The following TRIM64B variants were observed in gnomAD, a reference collection of about 807,000 sequenced individuals.
TRIM64B encodes the protein tripartite motif containing 64B, also known as tripartite motif-containing protein 64B.
For synonymous variants in TRIM64B, 17 were observed against 190.3 expected (o/e 0.09, Z 7.50); for missense variants, 57 against 536.4 (o/e 0.11, Z 8.83).
At chr11:89,871,697 G>T (rs556516796) in intron 5 of TRIM64B, among the ~76,000 whole-genome samples, 1,267 of 110,784 alleles carry the variant, frequency 0.011, 17 homozygotes, top group African/African-American at 0.04. Flanking sequence ...CGTGTTCACA[G>T]ATCCCTCACC....
upstream of TRIM64B, among the ~76,000 whole-genome samples, chr11:89,876,332 C>CT (rs1950163298): frequency 6.9e-6 from 1 of 145,730 alleles, no homozygotes; most frequent in African/African-American, 2.5e-5. Context: ...CTCCTGAATA[C>CT]TTTATGTCTA....
At chr11:89,871,645 T>C (rs1161806849) in intron 5 of TRIM64B, among the ~76,000 whole-genome samples, 74 of 132,118 alleles carry the variant, frequency 5.6e-4, no homozygotes, top group Middle Eastern at 3.5e-3. Context: ...TGCCCTCTGC[T>C]ACCCAGACCT....
rs867411150 is a variant in TRIM64B at position 89,875,380 on chromosome 11, C to T, written c.408+230G>A. Among the ~76,000 whole-genome samples, 89 of 152,322 alleles carry T rather than the reference C, an allele frequency of 5.8e-4. No homozygotes were observed. The South Asian group carries it at 0.012, about 20-fold the overall frequency. On this transcript the variant is annotated intron_variant, in intron 1 of 5. Transcript: ENST00000329862. ...ACCAGCTCCACAGCTCCATTCTACACGTTTGAACAATGTTTCTAAGGAGAC... is the reference window on the plus strand; with the variant it reads ...ACCAGCTCCACAGCTCCATTCTACATGTTTGAACAATGTTTCTAAGGAGAC...
exon 2 of TRIM64B, chr11:89,875,022 T>C (rs776697425): frequency 3.9e-6 from 6 of 1,550,478 alleles, no homozygotes; most frequent in Non-Finnish European, 3.5e-6. Context: ...AGATTGTTTC[T>C]TGTCTCTTGA....
upstream of TRIM64B, among the ~76,000 whole-genome samples, chr11:89,877,130 A>G (rs551318969): frequency 2.4e-5 from 3 of 123,668 alleles, no homozygotes; most frequent in Admixed American, 2.7e-4. Flanking sequence ...AAACTCACCT[A>G]TGAAGTTTGC....
At chr11:89,877,018 T>C (rs1384446401), upstream of TRIM64B, among the ~76,000 whole-genome samples, 1 of 144,782 alleles carries the variant, frequency 6.9e-6, no homozygotes, top group Non-Finnish European at 1.5e-5. Context: ...ACATTCTGAA[T>C]GTCATCCTGT....
chr11:89,878,180 C>T (rs1185748526), upstream of TRIM64B, among the ~76,000 whole-genome samples: 17 of 130,848 alleles, frequency 1.3e-4, no homozygotes, highest in Non-Finnish European at 2.4e-4. Context: ...AGAAAACAGT[C>T]GCATAGTCAA....
At chr11:89,877,016 A>C (rs1382969331), upstream of TRIM64B, among the ~76,000 whole-genome samples, 1 of 144,436 alleles carries the variant, frequency 6.9e-6, no homozygotes, top group Non-Finnish European at 1.5e-5. Context: ...GCACATTCTG[A>C]ATGTCATCCT....
chr11:89,875,405 C>G (rs1227556227), intron 1 of TRIM64B, among the ~76,000 whole-genome samples: 2 of 152,306 alleles, frequency 1.3e-5, no homozygotes, highest in Non-Finnish European at 2.9e-5. Context: ...TCTAAGGAGA[C>G]CTCCTTTAGT....
intron 4 of TRIM64B, among the ~76,000 whole-genome samples, chr11:89,872,936 T>TC (rs1236309336): frequency 1.3e-5 from 2 of 151,494 alleles, no homozygotes; most frequent in African/African-American, 4.9e-5. Context: ...TTTTTTTTTT[T>TC]TTTTTTAACC....
exon 1 of TRIM64B, chr11:89,875,885 C>G: frequency 6.5e-7 from 1 of 1,549,796 alleles, no homozygotes; most frequent in Non-Finnish European, 8.7e-7. Flanking sequence ...GCTCTGCCTT[C>G]TTCTGAGCAG....
rs1357035732 is a variant in TRIM64B, at chr11:89,872,789, G to A, written c.759-477C>T. Among the ~76,000 whole-genome samples, 7 of 151,786 alleles carry A rather than the reference G, an allele frequency of 4.6e-5. 1 individual carries two copies. The highest frequency in any genetic ancestry group is 1.7e-4 in the African/African-American group (7 of 41,030). On this transcript the variant is annotated intron_variant, in intron 4 of 5. Coordinates refer to ENST00000329862, the Ensembl canonical transcript of TRIM64B. ...TGAGAACCCTGCTGCTGAGGGGCCC[G>A]AGGCAACCATTTCCCTGAGGTCTTT...
At chr11:89,877,860 G>A (rs1397574843), upstream of TRIM64B, among the ~76,000 whole-genome samples, 2 of 149,326 alleles carry the variant, frequency 1.3e-5, no homozygotes, top group African/African-American at 2.4e-5. Context: ...GACCTCAAGC[G>A]ATCTGCCTGC....
At chr11:89,877,733 C>T (rs1306614569), upstream of TRIM64B, among the ~76,000 whole-genome samples, 3 of 149,500 alleles carry the variant, frequency 2.0e-5, no homozygotes, top group African/African-American at 7.2e-5. Flanking sequence ...AATTCTCCTG[C>T]CGCAGCCTCC....
At chr11:89,876,791 G>A (rs1437470049), upstream of TRIM64B, among the ~76,000 whole-genome samples, 5 of 149,066 alleles carry the variant, frequency 3.4e-5, no homozygotes, top group African/African-American at 9.7e-5. Flanking sequence ...TTTTTTATCT[G>A]AGATTAGTTG....
At chr11:89,877,776 C>T (rs1476866061), upstream of TRIM64B, among the ~76,000 whole-genome samples, 13 of 149,426 alleles carry the variant, frequency 8.7e-5, no homozygotes, top group East Asian at 3.9e-4. Context: ...CCCACCACCA[C>T]GCCAGGATGA....
In TRIM64B at chr11:89,875,093, C is replaced by A; in HGVS notation, c.409-20G>T. On this transcript the variant is annotated intron_variant, in intron 1 of 5. Coordinates refer to ENST00000329862, the Ensembl canonical transcript of TRIM64B. ...TTTCTCCTGCAAAAGAAGCAAGAAG[C>A]TTAGCAATAATGAAGACAGTATAGT... The A allele has an allele frequency of 5.2e-6, 8 of 1,544,254 alleles. No homozygotes were observed. The highest frequency in any genetic ancestry group is 7.0e-6 in the Non-Finnish European group (8 of 1,141,258).
At chr11:89,877,691 C>T (rs1439203553), upstream of TRIM64B, among the ~76,000 whole-genome samples, 2 of 149,140 alleles carry the variant, frequency 1.3e-5, no homozygotes, top group Non-Finnish European at 3.0e-5. Flanking sequence ...ACGATCTCAG[C>T]TTACTGCAAG....
exon 5 of TRIM64B, chr11:89,872,285 G>T (rs1227933200): frequency 6.5e-7 from 1 of 1,534,588 alleles, no homozygotes; most frequent in African/African-American, 1.4e-5. Flanking sequence ...TCACTGGCTG[G>T]GGCTTTTGCA....
Sources: allele counts gnomAD v4.1 joint callset (sites outside exome capture counted in the v4.1 genomes callset), GRCh38; gene constraint gnomAD v4.1.1; transcripts MANE v1.5; gene names NCBI Gene and HGNC (gene_info 2026-07-23, HGNC 2026-07-21).